Variants in LANCL1 observed in about 807,000 individuals in gnomAD.
LANCL1 encodes LanC like glutathione S-transferase 1.
Under a neutral mutation model 50.6 loss-of-function variants are expected in LANCL1, and 50 were observed. The ratio of observed to expected loss-of-function variants is 0.99; its 90% CI spans 0.79 to 1.25. The LOEUF is 1.25. Ranked by LOEUF, LANCL1 falls within the 50% of genes most tolerant of loss-of-function variation. LANCL1 has a pLI of 0.00. For synonymous variants in LANCL1, 188 were observed against 178.6 expected, an observed-to-expected ratio of 1.05 and a Z score of -0.42; for missense variants, 532 against 480.7, an observed-to-expected ratio of 1.11 and a Z score of -1.00.
At chr2:210,443,373 A>G (rs1356936702) in intron 4 of LANCL1, among the ~76,000 whole-genome samples, 4 of 152,204 alleles carry the variant, frequency 2.6e-5, no homozygotes, top group Non-Finnish European at 5.9e-5. Flanking sequence ...TATAAATTTG[A>G]TATGATCCTA....
chr2:210,464,771 T>C (rs1057125435), intron 3 of LANCL1, among the ~76,000 whole-genome samples: 8 of 146,316 alleles, frequency 5.5e-5, no homozygotes, highest in Non-Finnish European at 1.2e-4. Flanking sequence ...TCGAGACCAT[T>C]CTGGCTAACA....
At chr2:210,477,536 C>G, upstream of LANCL1, 1 of 1,312,386 alleles carries the variant, frequency 7.6e-7, no homozygotes, top group Non-Finnish European at 9.7e-7. Context: ...TTCCTTCTCT[C>G]CGGTTTCAAT....
chr2:210,434,615 T>C, intron 9 of LANCL1, 52 bp from the exon 10 acceptor site: 3 of 1,414,992 alleles, frequency 2.1e-6, no homozygotes, highest in Non-Finnish European at 3.0e-6. Flanking sequence ...CTCCATTTCA[T>C]AGGATGGTTC....
chr2:210,440,790 A>G, intron 5 of LANCL1, 46 bp from the exon 6 acceptor site: 2 of 1,574,400 alleles, frequency 1.3e-6, no homozygotes, highest in Non-Finnish European at 1.7e-6. Flanking sequence ...CTGAACAAAA[A>G]TCTTCCTGGA....
intron 3 of LANCL1, among the ~76,000 whole-genome samples, chr2:210,457,241 TC>T (rs1693699264): frequency 6.6e-6 from 1 of 152,156 alleles, no homozygotes; most frequent in Admixed American, 6.5e-5. Context: ...TTATTATAAA[TC>T]AGCCCAGGTC....
rs371541475 is a variant in LANCL1 at position 210,468,912 on chromosome 2, G to C, written c.199+3047C>G. 6.6e-5 allele frequency: 10 copies of C among 152,276 alleles called. No homozygotes were observed. The East Asian group carries it at 1.2e-3, about 18-fold the overall frequency. 9.4% of individuals were successfully genotyped at this position (152,276 alleles called of 1,614,324 possible). On this transcript the variant is annotated intron_variant, in intron 3 of 9. Coordinates refer to ENST00000450366, the MANE Select transcript of LANCL1 (RefSeq NM_006055.3). Reference sequence around the variant, plus strand: ...CTTCTGTTTTCTTTTTTGGGGTATAGATAACTGAACCTAATCCTGTCCCAA... The same window carrying C: ...CTTCTGTTTTCTTTTTTGGGGTATACATAACTGAACCTAATCCTGTCCCAA...
At chr2:210,469,073 A>G (rs545184088) in intron 3 of LANCL1, 1 of 152,328 alleles carries the variant, frequency 6.6e-6, no homozygotes, top group Admixed American at 6.5e-5. Context: ...AAAGTTAAAG[A>G]AATATAATGT....
intron 7 of LANCL1, among the ~76,000 whole-genome samples, chr2:210,436,754 G>A (rs762279814): frequency 1.3e-5 from 2 of 152,100 alleles, no homozygotes; most frequent in Non-Finnish European, 2.9e-5. Context: ...TTCACTATTA[G>A]GAAGTTTCTT....
chr2:210,477,138 T>C (rs76195284), upstream of LANCL1, among the ~76,000 whole-genome samples: 692 of 152,170 alleles, frequency 4.5e-3, 4 homozygotes, highest in Middle Eastern at 0.014. Flanking sequence ...CAATCTTTTC[T>C]TTTCATTTCT....
At chr2:210,453,265 C>T (rs1462447188) in intron 4 of LANCL1, among the ~76,000 whole-genome samples, 1 of 152,152 alleles carries the variant, frequency 6.6e-6, no homozygotes, top group Non-Finnish European at 1.5e-5. Context: ...TCTTAGCATA[C>T]TCTTAGGAGC....
intron 3 of LANCL1, among the ~76,000 whole-genome samples, chr2:210,465,281 C>T (rs1474090269): frequency 6.6e-6 from 1 of 152,124 alleles, no homozygotes; most frequent in African/African-American, 2.4e-5. Context: ...GTTTTTAGTG[C>T]AATATTGTAA....
At chr2:210,437,548 G>T in intron 7 of LANCL1, 142 bp downstream of exon 7, 1 of 505,004 alleles carries the variant, frequency 2.0e-6, no homozygotes. Context: ...TGGTGAGAAT[G>T]AATTATAATT....
At chr2:210,446,055 T>C (rs1385999866) in intron 4 of LANCL1, among the ~76,000 whole-genome samples, 1 of 152,138 alleles carries the variant, frequency 6.6e-6, no homozygotes, top group East Asian at 1.9e-4. Flanking sequence ...TAAACATTCC[T>C]GCGTGCCGGC....
intron 4 of LANCL1, 116 bp from the exon 5 acceptor site, chr2:210,441,559 T>C (rs1693135843): frequency 2.6e-6 from 2 of 756,634 alleles, no homozygotes; most frequent in Non-Finnish European, 4.2e-6. Context: ...TTTATACATA[T>C]ATAATATCTA....
chr2:210,440,419 T>G (rs1003682718), intron 6 of LANCL1, among the ~76,000 whole-genome samples, 179 bp downstream of exon 6: 31 of 152,324 alleles, frequency 2.0e-4, no homozygotes, highest in Middle Eastern at 3.4e-3. Flanking sequence ...TTTATACACT[T>G]TTAAAGGCAC....
chr2:210,458,427 T>TA (rs1163518272), intron 3 of LANCL1, among the ~76,000 whole-genome samples: 3 of 152,118 alleles, frequency 2.0e-5, no homozygotes, highest in Non-Finnish European at 2.9e-5. Flanking sequence ...AGAATATACT[T>TA]AGATTTGTTT....
At chr2:210,445,342 T>C (rs1693287013) in intron 4 of LANCL1, among the ~76,000 whole-genome samples, 1 of 152,200 alleles carries the variant, frequency 6.6e-6, no homozygotes, top group Admixed American at 6.5e-5. Context: ...AGCATTCCAT[T>C]TACTTTGCAG....
At chr2:210,450,955 T>G (rs1693493590) in intron 4 of LANCL1, among the ~76,000 whole-genome samples, 1 of 152,134 alleles carries the variant, frequency 6.6e-6, no homozygotes, top group South Asian at 2.1e-4. Context: ...AGAAATACCA[T>G]TTGACCAGCA....
chr2:210,464,998 C>T (rs565889361), intron 3 of LANCL1, among the ~76,000 whole-genome samples: 12 of 128,720 alleles, frequency 9.3e-5, no homozygotes, highest in East Asian at 5.4e-4. Context: ...AAAACTTATG[C>T]GTACAGACTG....
Sources: allele counts gnomAD v4.1 joint callset (sites outside exome capture counted in the v4.1 genomes callset), GRCh38; gene constraint gnomAD v4.1.1; transcripts MANE v1.5; gene names NCBI Gene and HGNC (gene_info 2026-07-23, HGNC 2026-07-21).